The following SEMA6A variants were observed in gnomAD, a reference collection of about 807,000 sequenced individuals.
SEMA6A encodes semaphorin-6A.
SEMA6A carries 25 observed loss-of-function variants against 96.8 expected under a neutral mutation model. That is an observed-to-expected ratio of 0.26 (90% CI 0.19 to 0.36). SEMA6A has a LOEUF of 0.36. Among genes scored for constraint, SEMA6A ranks in the 10% least tolerant of loss-of-function variants. SEMA6A has a pLI of 1.00. For synonymous variants in SEMA6A, 612 were observed against 518.0 expected (o/e 1.18, Z -2.46); for missense variants, 1,363 against 1,323.1 (o/e 1.03, Z -0.47).
chr5:116,515,513 T>C (rs1314892340), intron 1 of SEMA6A, among the ~76,000 whole-genome samples: 2 of 152,166 alleles, frequency 1.3e-5, no homozygotes, highest in African/African-American at 2.4e-5. Context: ...TCCAAGCATT[T>C]TTCCTAGCCA....
In SEMA6A at chr5:116,528,750, G is replaced by T. The variant is rs76708987; in HGVS notation, c.-38-23768C>A. ...ATATTCTAGCCTGCAACAAATTAGG[G>T]ATCTAAACCTTTGTGCTAGGCAGAT... is the stretch of plus-strand genomic sequence containing the variant. On this transcript the variant is annotated intron_variant, in intron 1 of 18. Transcript: ENST00000343348. 6.3e-3 allele frequency among the ~76,000 whole-genome samples: 956 copies of T among 152,246 alleles called. 7 individuals carry two copies. Among genetic ancestry groups the T allele is most frequent in the African/African-American group, 0.022 (902 of 41,562 alleles).
At chr5:116,563,050 T>G in intron 1 of SEMA6A, 1 of 429,644 alleles carries the variant, frequency 2.3e-6, no homozygotes, top group Non-Finnish European at 4.5e-6. Context: ...TGTTAATAAA[T>G]TCCCTTCATG....
intron 7 of SEMA6A, among the ~76,000 whole-genome samples, chr5:116,489,768 A>G (rs1228023707): frequency 6.6e-6 from 1 of 152,210 alleles, no homozygotes; most frequent in African/African-American, 2.4e-5. Context: ...TCCCAGGCAT[A>G]AGAGAATAAA....
rs1164901386 is a variant in SEMA6A at position 116,446,251 on chromosome 5, ATG to A, written c.*360_*361del. 5.7e-6 allele frequency: 1 copy of A among 174,750 alleles called. No homozygotes were observed. Among genetic ancestry groups the A allele is most frequent in the Non-Finnish European group, 1.1e-5 (1 of 90,166 alleles). 10.8% of individuals were successfully genotyped at this position (174,750 alleles called of 1,614,324 possible). ...TGTTCACCTCTGTGCGTGTGTGTGT[ATG>A]TGTTGTGTGCATGTGTGTGTGTGTG... On this transcript the variant is annotated 3_prime_UTR_variant, in exon 19 of 19. Coordinates refer to ENST00000343348, the MANE Select transcript of SEMA6A (RefSeq NM_020796.5).
At chr5:116,512,645 T>G (rs1257307025) in intron 1 of SEMA6A, among the ~76,000 whole-genome samples, 9 of 145,080 alleles carry the variant, frequency 6.2e-5, no homozygotes, top group African/African-American at 1.8e-4. Context: ...AAGGCAAGTC[T>G]TTTCTTTCAG....
chr5:116,486,115 T>C (rs1757036720), intron 10 of SEMA6A, among the ~76,000 whole-genome samples: 1 of 152,200 alleles, frequency 6.6e-6, no homozygotes, highest in Non-Finnish European at 1.5e-5. Flanking sequence ...ATTCTGGTGC[T>C]GTGGTTGGGG....
chr5:116,449,869 T>C (rs553232352), intron 18 of SEMA6A: 1 of 152,568 alleles, frequency 6.6e-6, no homozygotes, highest in African/African-American at 2.4e-5. Context: ...ATTTCCAGAT[T>C]TATCTCCATC....
Position 116,482,362 on chromosome 5 carries a change from A to T in SEMA6A, c.1094+82T>A, listed in dbSNP as rs547476292. ...GCTGGCATGGAAGGCACTGGTGCGC[A>T]GTTCATAGGATGTTCATTATCAGAG... is the stretch of plus-strand genomic sequence containing the variant. On this transcript the variant is annotated intron_variant, in intron 11 of 18. Coordinates refer to ENST00000343348, the MANE Select transcript of SEMA6A (RefSeq NM_020796.5). The T allele has an allele frequency of 3.5e-6, 5 of 1,444,136 alleles. No homozygotes were observed. In the Admixed American group the frequency reaches 6.1e-5, roughly 18 times the overall value. The allele number at this position is 1,444,136 out of a possible 1,614,324, so 89.5% of individuals were successfully genotyped here.
intron 1 of SEMA6A, among the ~76,000 whole-genome samples, chr5:116,542,831 C>T (rs1162394199): frequency 6.6e-6 from 1 of 152,188 alleles, no homozygotes; most frequent in Non-Finnish European, 1.5e-5. Context: ...CTGTTCAGGA[C>T]TATTCTGTTT....
intron 1 of SEMA6A, among the ~76,000 whole-genome samples, chr5:116,570,219 A>G (rs952576430): frequency 6.6e-6 from 1 of 152,212 alleles, no homozygotes; most frequent in Non-Finnish European, 1.5e-5. Flanking sequence ...AGAGGCAACC[A>G]TGTGGTCGCC....
chr5:116,563,159 A>G (rs1760888070), intron 1 of SEMA6A, among the ~76,000 whole-genome samples: 1 of 152,234 alleles, frequency 6.6e-6, no homozygotes, highest in African/African-American at 2.4e-5. Context: ...AAATGCTGCT[A>G]GGTCCAGCAC....
In SEMA6A at chr5:116,507,302, T is replaced by C. The variant is rs117783381; in HGVS notation, c.-38-2320A>G. ...TTTAAAATTTTCTTCAGTTGAAGTTTTGATGTATTATTCCCTTTCTACTCA... is the reference window on the plus strand; with the variant it reads ...TTTAAAATTTTCTTCAGTTGAAGTTCTGATGTATTATTCCCTTTCTACTCA... On this transcript the variant is annotated intron_variant, in intron 1 of 18. Coordinates refer to ENST00000343348, the MANE Select transcript of SEMA6A (RefSeq NM_020796.5). 1.3e-4 allele frequency among the ~76,000 whole-genome samples: 20 copies of C among 152,364 alleles called. No individual in the cohort carries two copies. The East Asian group carries it at 3.7e-3, about 28-fold the overall frequency.
chr5:116,467,829 A>C, intron 17 of SEMA6A, 82 bp from the exon 18 acceptor site: 1 of 1,448,906 alleles, frequency 6.9e-7, no homozygotes, highest in Non-Finnish European at 9.4e-7. Flanking sequence ...GAGGTGGGAC[A>C]CCCAAGCTGG....
intron 18 of SEMA6A, among the ~76,000 whole-genome samples, chr5:116,466,235 G>T (rs567519706): frequency 2.6e-5 from 4 of 151,726 alleles, no homozygotes; most frequent in Non-Finnish European, 5.9e-5. Flanking sequence ...AAAATTAGCC[G>T]GGCATGGTGG....
intron 16 of SEMA6A, 122 bp from the exon 17 acceptor site, chr5:116,473,215 G>T: frequency 1.1e-6 from 1 of 918,122 alleles, no homozygotes; most frequent in Non-Finnish European, 1.7e-6. Flanking sequence ...TACTAAGTAA[G>T]TGCTTTTTAA....
chr5:116,454,823 CGCGTGTGTGTGT>C (rs1248976890), intron 18 of SEMA6A, among the ~76,000 whole-genome samples: 173 of 150,932 alleles, frequency 1.1e-3, no homozygotes, highest in African/African-American at 4.0e-3. Flanking sequence ...TGTGTGTGTG[CGCGTGTGTGTGT>C]ATGTATGTGT....
intron 1 of SEMA6A, chr5:116,563,032 A>AGGTGGGATCATGCAACAGGG: frequency 2.1e-6 from 1 of 475,108 alleles, no homozygotes. Context: ...AGACTCCTCA[A>AGGTGGGATCATGCAACAGGG]AATATTTTGT....
At chr5:116,488,834 C>A in intron 8 of SEMA6A, 54 bp downstream of exon 8, 1 of 1,496,862 alleles carries the variant, frequency 6.7e-7, no homozygotes, top group Non-Finnish European at 8.9e-7. Context: ...AAATCTCCCA[C>A]AAGATGTGTA....
intron 9 of SEMA6A, among the ~76,000 whole-genome samples, chr5:116,487,758 G>A (rs1259380338): frequency 6.6e-6 from 1 of 152,118 alleles, no homozygotes; most frequent in Non-Finnish European, 1.5e-5. Flanking sequence ...CAGCTACTCG[G>A]GAGGCTGAGG....
Sources: gnomAD v4.1 joint callset for allele counts (sites outside exome capture counted in the v4.1 genomes callset) on GRCh38, gnomAD v4.1.1 for gene constraint, MANE v1.5 for transcripts, NCBI Gene and HGNC (gene_info 2026-07-23, HGNC 2026-07-21) for gene names.